PCBP3: variants seen among roughly 807,000 people sequenced by gnomAD.
The protein encoded by PCBP3 is poly(rC) binding protein 3.
Under a neutral mutation model 52.7 loss-of-function variants are expected in PCBP3, and 25 were observed. That is an observed-to-expected ratio of 0.47 (90% CI 0.35 to 0.66). The LOEUF is 0.66. Among genes scored for constraint, PCBP3 ranks in the 30% least tolerant of loss-of-function variants. The probability of loss-of-function intolerance (pLI) is 0.01; values close to 1 mark genes in which losing one functional copy is unlikely to be tolerated. For synonymous variants in PCBP3, 162 were observed against 183.0 expected (o/e 0.89, Z 0.93); for missense variants, 391 against 490.3 (o/e 0.80, Z 1.91).
At chr21:45,843,364 A>C (rs1297255697) in intron 4 of PCBP3, among the ~76,000 whole-genome samples, 1 of 152,214 alleles carries the variant, frequency 6.6e-6, no homozygotes, top group African/African-American at 2.4e-5. Context: ...TAAGAACCAA[A>C]TTTTATATTT....
chr21:45,832,005 C>G (rs1402988409), intron 4 of PCBP3, among the ~76,000 whole-genome samples: 2 of 152,160 alleles, frequency 1.3e-5, no homozygotes, highest in Non-Finnish European at 2.9e-5. Flanking sequence ...GCCACCGCAG[C>G]CAGCCAAAGC....
chr21:45,730,938 C>T (rs946637647), intron 2 of PCBP3, among the ~76,000 whole-genome samples: 19 of 151,934 alleles, frequency 1.3e-4, no homozygotes, highest in East Asian at 1.9e-4. Flanking sequence ...GGGTTTCTTA[C>T]AAATAGCTTA....
intron 9 of PCBP3, among the ~76,000 whole-genome samples, chr21:45,906,419 G>A (rs2096207307): frequency 6.6e-6 from 1 of 152,064 alleles, no homozygotes; most frequent in South Asian, 2.1e-4. Context: ...GGTCGGGCCG[G>A]GGAGGCCTTT....
chr21:45,892,034 C>A (rs909683566), intron 5 of PCBP3, among the ~76,000 whole-genome samples: 1 of 152,208 alleles, frequency 6.6e-6, no homozygotes, highest in African/African-American at 2.4e-5. Context: ...TCAAAGGCAG[C>A]TGGAGGCTGG....
rs1218949905 is a variant in PCBP3, at chr21:45,904,859, C to T, written c.339+3746C>T. ...GACGGATACCTGGCCTTAAAAGAAC[C>T]TCAGCAGTCTTTGTAAAGCTTCCCA... On this transcript the variant is annotated intron_variant, in intron 9 of 17. Transcript: ENST00000681687. The surrounding 1 kb of genome is among the most constrained non-coding windows in gnomAD (Gnocchi z 4.8). Among the ~76,000 whole-genome samples the T allele has an allele frequency of 6.6e-6, 1 of 152,170 alleles. No individual in the cohort carries two copies. The highest frequency in any genetic ancestry group is 1.5e-5 in the Non-Finnish European group (1 of 68,042).
intron 2 of PCBP3, among the ~76,000 whole-genome samples, chr21:45,678,360 T>C (rs535145527): frequency 8.1e-4 from 123 of 152,018 alleles, no homozygotes; most frequent in African/African-American, 2.9e-3. Context: ...TGTAAGGCTA[T>C]AGCTGCCACA....
intron 2 of PCBP3, among the ~76,000 whole-genome samples, chr21:45,697,003 A>T (rs909187894): frequency 1.3e-5 from 2 of 152,188 alleles, no homozygotes; most frequent in Admixed American, 1.3e-4. Flanking sequence ...GCTGGTGAGG[A>T]TGTGGAACAA....
intron 2 of PCBP3, among the ~76,000 whole-genome samples, chr21:45,732,914 T>G (rs1405616984): frequency 3.9e-5 from 6 of 152,242 alleles, no homozygotes; most frequent in African/African-American, 7.2e-5. Context: ...ATTACAGGCT[T>G]GAGCCACTCT....
At chr21:45,894,026 C>T (rs1462395296) in intron 5 of PCBP3, 4 of 985,500 alleles carry the variant, frequency 4.1e-6, no homozygotes, top group Middle Eastern at 5.2e-4. Flanking sequence ...GGGTAGGTGC[C>T]TAGGGAGAGC....
intron 9 of PCBP3, among the ~76,000 whole-genome samples, chr21:45,907,259 AT>A (rs1483449024): frequency 6.6e-5 from 10 of 152,146 alleles, no homozygotes; most frequent in African/African-American, 2.4e-4. Flanking sequence ...GTCCTGGCTC[AT>A]TTTTGTTCCA....
chr21:45,789,267 G>A (rs565372840), intron 4 of PCBP3, among the ~76,000 whole-genome samples: 1 of 152,362 alleles, frequency 6.6e-6, no homozygotes, highest in East Asian at 1.9e-4. Context: ...GTGATTGCAT[G>A]TATGTGTGTG....
At chr21:45,814,972 T>C (rs2092834288) in intron 4 of PCBP3, among the ~76,000 whole-genome samples, 1 of 114,758 alleles carries the variant, frequency 8.7e-6, no homozygotes, top group South Asian at 3.3e-4. Flanking sequence ...GAGTGGTGAG[T>C]GATGAGTGAG....
intron 5 of PCBP3, among the ~76,000 whole-genome samples, chr21:45,862,739 C>T (rs1218993632): frequency 2.0e-5 from 3 of 152,222 alleles, no homozygotes; most frequent in African/African-American, 7.2e-5. Context: ...CAGGAGCCAG[C>T]TCAGCCTGTC....
At chr21:45,782,597 G>A (rs1233938625) in intron 4 of PCBP3, among the ~76,000 whole-genome samples, 1 of 152,206 alleles carries the variant, frequency 6.6e-6, no homozygotes, top group East Asian at 1.9e-4. Context: ...ATCCCAGGAA[G>A]TAGGGGATCA....
chr21:45,741,042 A>G lies in PCBP3; in HGVS notation c.-162+5613A>G, dbSNP rs1439117414. On this transcript the variant is annotated intron_variant, in intron 3 of 17. Transcript: ENST00000681687. This position sits in a 1 kb window ranked among gnomAD's most constrained non-coding sequence, Gnocchi z 4.5. The stretch of plus-strand genomic sequence containing the variant: ...TGGGGGACTGTCCTAAACGGAAAGC[A>G]GGGCACGGGATGGCTTCACTCCAGC... 6.6e-6 allele frequency among the ~76,000 whole-genome samples: 1 copy of G among 152,176 alleles called. No homozygotes were observed. Among genetic ancestry groups the G allele is most frequent in the African/African-American group, 2.4e-5 (1 of 41,442 alleles).
chr21:45,770,347 A>G (rs1167782569), intron 4 of PCBP3, among the ~76,000 whole-genome samples: 1 of 152,148 alleles, frequency 6.6e-6, no homozygotes, highest in East Asian at 1.9e-4. Flanking sequence ...TCGTTTTACA[A>G]TTTTTAATCT....
At chr21:45,739,593 C>G (rs541720349) in intron 3 of PCBP3, among the ~76,000 whole-genome samples, 1,221 of 112,694 alleles carry the variant, frequency 0.011, 41 homozygotes, top group Non-Finnish European at 0.016. Flanking sequence ...GGTGCCCCCC[C>G]CCATCTTCAT....
intron 6 of PCBP3, among the ~76,000 whole-genome samples, chr21:45,899,391 G>A (rs1303296435): frequency 2.0e-5 from 3 of 152,098 alleles, no homozygotes; most frequent in Non-Finnish European, 2.9e-5. Context: ...AGGAAGACCC[G>A]GCTCAGGGCC....
intron 16 of PCBP3, 115 bp from the exon 17 acceptor site, chr21:45,939,915 G>A: frequency 5.4e-6 from 5 of 920,236 alleles, no homozygotes; most frequent in Non-Finnish European, 8.4e-6. Context: ...TCAGGTCTTG[G>A]GGCAGAGTCC....
Sources: allele counts gnomAD v4.1 joint callset (sites outside exome capture counted in the v4.1 genomes callset), GRCh38; gene constraint gnomAD v4.1.1; non-coding constraint Gnocchi (gnomAD v3.1); transcripts MANE v1.5; gene names NCBI Gene and HGNC (gene_info 2026-07-23, HGNC 2026-07-21).